The following NUBPL variants were observed in gnomAD, a reference collection of about 807,000 sequenced individuals.
NUBPL encodes the protein NUBP iron-sulfur cluster assembly factor, mitochondrial, also known as iron-sulfur cluster transfer protein NUBPL.
In NUBPL, 31 loss-of-function variants were observed where a neutral mutation model predicts 45.7. That is an observed-to-expected ratio of 0.68 (90% CI 0.51 to 0.92). NUBPL has a LOEUF of 0.92. Ranked by LOEUF, NUBPL falls within the 40% of genes least tolerant of loss-of-function variation. The probability of loss-of-function intolerance (pLI) is 0.00; values close to 1 mark genes in which losing one functional copy is unlikely to be tolerated. For synonymous variants in NUBPL, 144 were observed against 140.9 expected (o/e 1.02, Z -0.15); for missense variants, 401 against 398.7 (o/e 1.01, Z -0.05).
At chr14:31,818,514 T>C (rs953449998) in intron 7 of NUBPL, among the ~76,000 whole-genome samples, 3 of 152,174 alleles carry the variant, frequency 2.0e-5, no homozygotes, top group Non-Finnish European at 2.9e-5. Context: ...CACTTATTAT[T>C]GTGTTTAATT....
chr14:31,678,504 C>G (rs76596361), intron 6 of NUBPL, among the ~76,000 whole-genome samples: 5 of 152,150 alleles, frequency 3.3e-5, no homozygotes, highest in Admixed American at 6.5e-5. Context: ...CTTTATTCAG[C>G]AGGTGTTGGT....
At chr14:31,726,429 T>G (rs2037926571) in intron 6 of NUBPL, among the ~76,000 whole-genome samples, 1 of 152,210 alleles carries the variant, frequency 6.6e-6, no homozygotes, top group African/African-American at 2.4e-5. Context: ...CTCATAAAAA[T>G]AAATATATTT....
intron 1 of NUBPL, 66 bp downstream of exon 1, chr14:31,561,613 C>T (rs2033282273): frequency 9.5e-7 from 1 of 1,051,914 alleles, no homozygotes; most frequent in Non-Finnish European, 1.3e-6. Flanking sequence ...CCGCAGATGC[C>T]CTGGCATTGC....
intron 7 of NUBPL, among the ~76,000 whole-genome samples, chr14:31,816,538 G>C (rs1285932234): frequency 6.6e-6 from 1 of 151,656 alleles, no homozygotes; most frequent in Non-Finnish European, 1.5e-5. Context: ...CTTCAGTTCT[G>C]CTCTGATCTT....
At chr14:31,632,017 C>G (rs1429766838) in intron 4 of NUBPL, among the ~76,000 whole-genome samples, 2 of 152,136 alleles carry the variant, frequency 1.3e-5, no homozygotes, top group Non-Finnish European at 2.9e-5. Flanking sequence ...TGAATCAGTA[C>G]CTGTGTTCCC....
intron 7 of NUBPL, among the ~76,000 whole-genome samples, chr14:31,816,727 G>A (rs367572203): frequency 3.7e-4 from 57 of 152,076 alleles, no homozygotes; most frequent in East Asian, 1.4e-3. Context: ...CTGGTTTGTC[G>A]TCTCTTTGTT....
chr14:31,853,287 C>T (rs2075617547), intron 10 of NUBPL, among the ~76,000 whole-genome samples: 1 of 152,138 alleles, frequency 6.6e-6, no homozygotes, highest in African/African-American at 2.4e-5. Context: ...AACTCCTGAG[C>T]TCAGGAGATT....
chr14:31,718,666 G>A (rs902057502), intron 6 of NUBPL, among the ~76,000 whole-genome samples: 1 of 152,080 alleles, frequency 6.6e-6, no homozygotes, highest in Admixed American at 6.5e-5. Context: ...GATGTATGAG[G>A]AGTTGCCACA....
At chr14:31,723,250 G>A (rs1249368811) in intron 6 of NUBPL, among the ~76,000 whole-genome samples, 1 of 152,156 alleles carries the variant, frequency 6.6e-6, no homozygotes, top group Non-Finnish European at 1.5e-5. Flanking sequence ...CCAGATGGTT[G>A]TTGGTGTGTG....
chr14:31,790,257 T>A (rs766495991), intron 7 of NUBPL, among the ~76,000 whole-genome samples: 13 of 152,360 alleles, frequency 8.5e-5, no homozygotes, highest in African/African-American at 2.9e-4. Context: ...TTAGTTTGTA[T>A]TTATACTCTA....
At chr14:31,730,069 C>A (rs1423449468) in intron 6 of NUBPL, among the ~76,000 whole-genome samples, 3 of 152,040 alleles carry the variant, frequency 2.0e-5, no homozygotes, top group African/African-American at 7.2e-5. Flanking sequence ...AAGTAAGGTT[C>A]TGTTGATATC....
intron 6 of NUBPL, among the ~76,000 whole-genome samples, chr14:31,732,704 C>T (rs908109359): frequency 9.3e-5 from 14 of 151,030 alleles, no homozygotes; most frequent in African/African-American, 2.4e-4. Context: ...CTCCATCTCC[C>T]GGGTTTAAGC....
chr14:31,604,016 A>T (rs2034515478), intron 4 of NUBPL, among the ~76,000 whole-genome samples: 1 of 152,054 alleles, frequency 6.6e-6, no homozygotes. Flanking sequence ...TTCTTTTCTT[A>T]AGTAGTCTGC....
At chr14:31,782,365 A>G in intron 6 of NUBPL, among the ~76,000 whole-genome samples, 1 of 152,338 alleles carries the variant, frequency 6.6e-6, no homozygotes, top group East Asian at 1.9e-4. Context: ...GCTGCACTCC[A>G]GCCTGGGCGA....
In NUBPL at chr14:31,561,437, G is replaced by C. The variant is rs775617861; in HGVS notation, c.-3G>C. 5.7e-6 allele frequency: 8 copies of C among 1,404,062 alleles called. No individual in the cohort carries two copies. Among genetic ancestry groups the C allele is most frequent in the Non-Finnish European group, 7.5e-6 (8 of 1,068,554 alleles). The allele number at this position is 1,404,062 out of a possible 1,614,324, so 87.0% of individuals were successfully genotyped here. A position where few individuals can be genotyped will look rare whatever the true frequency, so the allele number is the denominator to read the frequency against. ...AGCAGGGCTCACAGCAGCGTTCCGC[G>C]TCATGGGGATTTGGCAGCGTCTGCT... On this transcript the variant is annotated 5_prime_UTR_variant, in exon 1 of 11. Coordinates refer to ENST00000281081, the MANE Select transcript of NUBPL (RefSeq NM_025152.3).
At chr14:31,741,225 T>G (rs1286036105) in intron 6 of NUBPL, among the ~76,000 whole-genome samples, 2 of 152,178 alleles carry the variant, frequency 1.3e-5, no homozygotes, top group African/African-American at 2.4e-5. Flanking sequence ...AAATAGGTTT[T>G]TAGTAAGGTA....
intron 6 of NUBPL, among the ~76,000 whole-genome samples, chr14:31,707,503 C>G (rs1392451112): frequency 2.0e-5 from 3 of 152,112 alleles, no homozygotes; most frequent in Admixed American, 2.0e-4. Flanking sequence ...CTTTTTGTCT[C>G]TCTGGTTCTC....
chr14:31,622,579 C>A (rs926844404), intron 4 of NUBPL, among the ~76,000 whole-genome samples: 5 of 152,160 alleles, frequency 3.3e-5, no homozygotes, highest in Non-Finnish European at 7.3e-5. Flanking sequence ...GACATGGCAC[C>A]CTACATCCCA....
chr14:31,821,551 A>T (rs1205581227), intron 7 of NUBPL, among the ~76,000 whole-genome samples: 1 of 152,336 alleles, frequency 6.6e-6, no homozygotes, highest in African/African-American at 2.4e-5. Context: ...GCTGACAAGG[A>T]TGTGAGGAAA....
Sources: gnomAD v4.1 joint callset for allele counts (sites outside exome capture counted in the v4.1 genomes callset) on GRCh38, gnomAD v4.1.1 for gene constraint, MANE v1.5 for transcripts, NCBI Gene and HGNC (gene_info 2026-07-23, HGNC 2026-07-21) for gene names.